Variants in ZSCAN20 observed in about 807,000 individuals in gnomAD.
The protein encoded by ZSCAN20 is zinc finger and SCAN domain containing 20, also known as zinc finger and SCAN domain-containing protein 20.
A neutral mutation model predicts 97.1 loss-of-function variants in ZSCAN20; 39 were observed. The observed-to-expected ratio is 0.40, with a 90% CI of 0.31 to 0.52. The LOEUF (loss-of-function observed/expected upper bound fraction) is 0.52. Ranked by LOEUF, ZSCAN20 falls within the 20% of genes least tolerant of loss-of-function variation. ZSCAN20 has a pLI of 0.49. For missense variants in ZSCAN20, 1,115 were observed against 1,290.4 expected, an observed-to-expected ratio of 0.86 and a Z score of 2.08; for synonymous variants, 456 against 467.3, an observed-to-expected ratio of 0.98 and a Z score of 0.31.
chr1:33,500,859 A>T lies in ZSCAN20; in HGVS notation c.*5383A>T, dbSNP rs1653044899. On this transcript the variant is annotated 3_prime_UTR_variant, in exon 8 of 8. Transcript: ENST00000684572. Reference sequence around the variant, plus strand: ...GGCCCAGGCTGGCAGAGTTGTGACTACTAGAATCTCGAGTCACTGGGGCTC... The same window carrying T: ...GGCCCAGGCTGGCAGAGTTGTGACTTCTAGAATCTCGAGTCACTGGGGCTC... Among the ~76,000 whole-genome samples the T allele has an allele frequency of 6.6e-6, 1 of 151,906 alleles. No homozygotes were observed. Among genetic ancestry groups the T allele is most frequent in the African/African-American group, 2.4e-5 (1 of 41,330 alleles).
At chr1:33,474,431 C>A (rs1408881237) in intron 1 of ZSCAN20, among the ~76,000 whole-genome samples, 1 of 152,190 alleles carries the variant, frequency 6.6e-6, no homozygotes, top group Non-Finnish European at 1.5e-5. Context: ...CTTCCCTTTT[C>A]ACTGAGTGGG....
In ZSCAN20 at chr1:33,493,154, G is replaced by A. The variant is rs776660082; in HGVS notation, c.1445-33G>A. 1.2e-6 allele frequency: 2 copies of A among 1,601,536 alleles called. No homozygotes were observed. The highest frequency in any genetic ancestry group is 1.7e-4 in the Middle Eastern group (1 of 6,032). On this transcript the variant is annotated intron_variant, in intron 6 of 7. Transcript: ENST00000684572. The surrounding 1 kb of genome is among the most constrained non-coding windows in gnomAD (Gnocchi z 4.3). Reference sequence around the variant, plus strand: ...TGATGACCTAGGCACATCTCATTAAGTCTCACAGTTCTCAACTCTTCACTC... The same window carrying A: ...TGATGACCTAGGCACATCTCATTAAATCTCACAGTTCTCAACTCTTCACTC...
At chr1:33,488,955 G>C (rs888712830) in intron 3 of ZSCAN20, among the ~76,000 whole-genome samples, 160 bp from the exon 4 acceptor site, 3 of 152,168 alleles carry the variant, frequency 2.0e-5, no homozygotes, top group Non-Finnish European at 4.4e-5. Context: ...CAGCAGCTTA[G>C]GAGCTACACA....
At chr1:33,489,718 A>T in intron 5 of ZSCAN20, 116 bp downstream of exon 5, 1 of 927,826 alleles carries the variant, frequency 1.1e-6, no homozygotes, top group Non-Finnish European at 1.7e-6. Flanking sequence ...GGAATTTCAG[A>T]AATAGGAAGA....
At chr1:33,483,132 A>T (rs1652216733) in intron 2 of ZSCAN20, among the ~76,000 whole-genome samples, 2 of 152,082 alleles carry the variant, frequency 1.3e-5, no homozygotes, top group South Asian at 4.1e-4. Context: ...CTGAAAAGTC[A>T]TTGCTATACC....
Position 33,491,745 on chromosome 1 carries a change from CCTACCAG to C in ZSCAN20, c.1444+47_1444+53del, listed in dbSNP as rs777593779. 2 of 1,521,646 alleles carry C rather than the reference CCTACCAG, an allele frequency of 1.3e-6. No individual in the cohort carries two copies. Among genetic ancestry groups the C allele is most frequent in the Non-Finnish European group, 1.8e-6 (2 of 1,135,334 alleles). The allele number at this position is 1,521,646 out of a possible 1,614,324, so 94.3% of individuals were successfully genotyped here. Reference sequence around the variant, plus strand: ...TAGTCAGATTCAGATTTCCAACCCTCCTACCAGCTAGACTGCTATTCCCTGAGGTCAG... The same window carrying C: ...TAGTCAGATTCAGATTTCCAACCCTCCTAGACTGCTATTCCCTGAGGTCAG... On this transcript the variant is annotated intron_variant, in intron 6 of 7. Coordinates refer to ENST00000684572, the MANE Select transcript of ZSCAN20 (RefSeq NM_001377376.1). The surrounding 1 kb of genome is among the most constrained non-coding windows in gnomAD (Gnocchi z 4.3).
chr1:33,487,010 G>T (rs915275976), intron 2 of ZSCAN20, among the ~76,000 whole-genome samples: 1 of 152,010 alleles, frequency 6.6e-6, no homozygotes, highest in Non-Finnish European at 1.5e-5. Context: ...TATTATTTTG[G>T]TTCAAAAAAA....
rs1652826567 is a variant in ZSCAN20 at position 33,495,478 on chromosome 1, G to C, written c.*2G>C. On this transcript the variant is annotated 3_prime_UTR_variant, in exon 8 of 8. Transcript: ENST00000684572. ...CATGCAGGAGGGAAGGCGTCGTAGG[G>C]GACAGTTTCCTCAACAACAAAGGAG... The C allele has an allele frequency of 2.7e-6, 4 of 1,504,678 alleles. No homozygotes were observed. The highest frequency in any genetic ancestry group is 3.6e-6 in the Non-Finnish European group (4 of 1,125,774). The allele number at this position is 1,504,678 out of a possible 1,614,324, so 93.2% of individuals were successfully genotyped here.
intron 2 of ZSCAN20, among the ~76,000 whole-genome samples, chr1:33,486,838 G>A (rs1652386788): frequency 6.6e-6 from 1 of 152,038 alleles, no homozygotes; most frequent in Admixed American, 6.5e-5. Flanking sequence ...GGACACTGGT[G>A]GATCTTCTTA....
At position 33,484,619 on chromosome 1, in the gene ZSCAN20, C is replaced by CTT. The variant is rs34906889; in HGVS notation, c.418-3830_418-3829dup. Among the ~76,000 whole-genome samples, 352 of 133,440 alleles carry CTT rather than the reference C, an allele frequency of 2.6e-3. 3 individuals carry two copies. Among genetic ancestry groups the CTT allele is most frequent in the African/African-American group, 7.3e-3 (260 of 35,790 alleles). The allele number at this position is 133,440 out of a possible 152,430, so 87.5% of individuals were successfully genotyped here. ...TAATATTTTATTGAGGATTTTGCAT[C>CTT]TTTTTTTTTTTTTTTTTAGCTGGAG... On this transcript the variant is annotated intron_variant, in intron 2 of 7. Transcript: ENST00000684572.
chr1:33,488,002 T>G (rs752775210), intron 2 of ZSCAN20, among the ~76,000 whole-genome samples: 11 of 152,166 alleles, frequency 7.2e-5, no homozygotes, highest in Non-Finnish European at 1.5e-4. Context: ...AAAAATATCT[T>G]TCTCTTTCAG....
chr1:33,479,483 C>G lies in ZSCAN20; in HGVS notation c.195C>G (p.Pro65=), dbSNP rs767911549. The G allele has an allele frequency of 2.5e-6, 4 of 1,613,468 alleles. No individual in the cohort carries two copies. In the African/African-American group the frequency reaches 5.3e-5, roughly 22 times the overall value. The change falls in exon 2 of 8, where the codon CCC becomes CCG. Residue 65 remains proline (P), a synonymous_variant. Transcript: ENST00000684572. ...RQFQYRDAAG[P]HEAFSQLWAL... The stretch of plus-strand genomic sequence containing the variant: ...TCCAATACAGGGATGCAGCTGGACC[C>G]CACGAGGCCTTCAGCCAGCTCTGGG...
Position 33,491,419 on chromosome 1 carries a change from C to A in ZSCAN20, c.1161C>A (p.Tyr387Ter). ...GGGTCAAAAACCTCCTACGGAATTA[C>A]CGGAAAGCCAAGAGCAGCCACCCAC... ...RYRVKNLLRN[Y>*]RKAKSSHPPG... is the part of the protein sequence containing the mutation. The change falls in exon 6 of 8, where the codon TAC (tyrosine) becomes TAA (stop). Residue 387 changes from tyrosine (Y) to a stop codon, truncating the protein, a stop_gained. Coordinates refer to ENST00000684572, the MANE Select transcript of ZSCAN20 (RefSeq NM_001377376.1). LOFTEE classifies it high-confidence loss of function. The surrounding 1 kb of genome is among the most constrained non-coding windows in gnomAD (Gnocchi z 4.3). The A allele has an allele frequency of 6.2e-7, 1 of 1,614,206 alleles. No individual in the cohort carries two copies. The highest frequency in any genetic ancestry group is 8.5e-7 in the Non-Finnish European group (1 of 1,180,032).
Position 33,494,749 on chromosome 1 carries a change from G to T in ZSCAN20, c.2405G>T (p.Ser802Ile). 6.2e-7 allele frequency: 1 copy of T among 1,614,122 alleles called. No homozygotes were observed. The highest frequency in any genetic ancestry group is 8.5e-7 in the Non-Finnish European group (1 of 1,180,024). ...TATAAATGTGGAGAATGTTGGAAAA[G>T]CTTCAACCAGAGCTCAAACCTTCTG... ...KPYKCGECWK[S>I]FNQSSNLLKH... Residue 802 changes from serine to isoleucine, a missense_variant, in exon 8 of 8, where the codon AGC becomes ATC. Ser to Ile is a moderately radical substitution (Grantham distance 142). Coordinates refer to ENST00000684572, the MANE Select transcript of ZSCAN20 (RefSeq NM_001377376.1).
chr1:33,486,133 A>G (rs549912010), intron 2 of ZSCAN20, among the ~76,000 whole-genome samples: 3 of 152,248 alleles, frequency 2.0e-5, no homozygotes, highest in South Asian at 2.1e-4. Context: ...GTGCCCTGGC[A>G]TATTTCAAAA....
chr1:33,484,050 T>G (rs1652258300), intron 2 of ZSCAN20, among the ~76,000 whole-genome samples: 1 of 152,254 alleles, frequency 6.6e-6, no homozygotes, highest in Admixed American at 6.5e-5. Context: ...ATTTGCATAT[T>G]TGTACCCTGC....
intron 2 of ZSCAN20, among the ~76,000 whole-genome samples, chr1:33,484,662 C>T (rs546514238): frequency 1.3e-5 from 2 of 149,444 alleles, no homozygotes; most frequent in Non-Finnish European, 3.0e-5. Context: ...GGTTCTGTCG[C>T]CCAGGCTGGA....
In ZSCAN20 at chr1:33,493,174, T is replaced by C; in HGVS notation, c.1445-13T>C. 6.2e-7 allele frequency: 1 copy of C among 1,610,750 alleles called. No individual in the cohort carries two copies. Among genetic ancestry groups the C allele is most frequent in the African/African-American group, 1.3e-5 (1 of 74,998 alleles). On this transcript the variant is annotated splice_polypyrimidine_tract_variant and intron_variant, in intron 6 of 7. Coordinates refer to ENST00000684572, the MANE Select transcript of ZSCAN20 (RefSeq NM_001377376.1). This position sits in a 1 kb window ranked among gnomAD's most constrained non-coding sequence, Gnocchi z 4.3. ...ATTAAGTCTCACAGTTCTCAACTCTTCACTCCTGACAGCAGGTGTGCACTG... is the reference window on the plus strand; with the variant it reads ...ATTAAGTCTCACAGTTCTCAACTCTCCACTCCTGACAGCAGGTGTGCACTG...
chr1:33,494,649 C>A lies in ZSCAN20; in HGVS notation c.2305C>A (p.Leu769Ile), dbSNP rs911106013. The change falls in exon 8 of 8, where the codon CTT (leucine) becomes ATT (isoleucine). Residue 769 changes from leucine (L) to isoleucine (I), a missense_variant. Physicochemically the swap from Leu to Ile is conservative, Grantham distance 5. Coordinates refer to ENST00000684572, the MANE Select transcript of ZSCAN20 (RefSeq NM_001377376.1). ...CACTGGAGAGAAGCCCTATAAATGC[C>A]TTGAATGTGGGAAAAGCTTTAGTGA... is the stretch of plus-strand genomic sequence containing the variant. ...IHTGEKPYKC[L>I]ECGKSFSDHS... 1 of 1,613,388 alleles carries A rather than the reference C, an allele frequency of 6.2e-7. No homozygotes were observed. The highest frequency in any genetic ancestry group is 1.3e-5 in the African/African-American group (1 of 74,758).
Sources: gnomAD v4.1 joint callset for allele counts (sites outside exome capture counted in the v4.1 genomes callset) on GRCh38, gnomAD v4.1.1 for gene constraint, Gnocchi (gnomAD v3.1) non-coding constraint, MANE v1.5 for transcripts, NCBI Gene and HGNC (gene_info 2026-07-23, HGNC 2026-07-21) for gene names.